Variants in PARP11 observed in about 807,000 individuals in gnomAD.
PARP11 encodes the protein poly(ADP-ribose) polymerase family member 11, also known as protein mono-ADP-ribosyltransferase PARP11.
A neutral mutation model predicts 42.9 loss-of-function variants in PARP11; 31 were observed. The ratio of observed to expected loss-of-function variants is 0.72; its 90% CI spans 0.54 to 0.98. The LOEUF (loss-of-function observed/expected upper bound fraction) is 0.98. Ranked by LOEUF, PARP11 falls within the 50% of genes least tolerant of loss-of-function variation. The probability of loss-of-function intolerance (pLI) is 0.00; values close to 1 mark genes in which losing one functional copy is unlikely to be tolerated. For missense variants in PARP11, 365 were observed against 413.1 expected, an observed-to-expected ratio of 0.88 and a Z score of 1.01; for synonymous variants, 137 against 127.3, an observed-to-expected ratio of 1.08 and a Z score of -0.51.
Position 3,862,418 on chromosome 12 carries a change from T to TA in PARP11, c.18+10793dup, listed in dbSNP as rs35597299. Among the ~76,000 whole-genome samples, 486 of 152,194 alleles carry TA rather than the reference T, an allele frequency of 3.2e-3. 2 individuals are homozygous for TA. The highest frequency in any genetic ancestry group is 0.011 in the African/African-American group (464 of 41,534). ...ATGAGCTATGATCACACCACTGCAC[T>TA]ACAGCCTAGGCAACCAAGCATGACT... On this transcript the variant is annotated intron_variant, in intron 1 of 7. Coordinates refer to ENST00000228820, the MANE Select transcript of PARP11 (RefSeq NM_020367.6).
intron 1 of PARP11, among the ~76,000 whole-genome samples, chr12:3,855,438 C>T (rs1948173828): frequency 6.6e-6 from 1 of 152,252 alleles, no homozygotes; most frequent in Non-Finnish European, 1.5e-5. Context: ...AGCAAAGTCT[C>T]AGGATACAAA....
At chr12:3,841,335 G>A in intron 1 of PARP11, 2 of 1,226,862 alleles carry the variant, frequency 1.6e-6, no homozygotes, top group Non-Finnish European at 2.4e-6. Context: ...ATTCTTACCT[G>A]TACCCTCTGC....
chr12:3,834,236 CAG>C (rs779904809), intron 1 of PARP11, among the ~76,000 whole-genome samples: 19 of 152,160 alleles, frequency 1.2e-4, no homozygotes, highest in Non-Finnish European at 2.5e-4. Flanking sequence ...AGACTTTGCT[CAG>C]GGGTAAAGAC....
intron 1 of PARP11, among the ~76,000 whole-genome samples, chr12:3,844,348 C>G (rs1304620201): frequency 6.6e-6 from 1 of 152,082 alleles, no homozygotes; most frequent in Non-Finnish European, 1.5e-5. Flanking sequence ...TTGAAGGTAC[C>G]GCTTAAGCCA....
chr12:3,872,521 C>T, intron 1 of PARP11: 1 of 985,208 alleles, frequency 1.0e-6, no homozygotes. Flanking sequence ...CCAGAGTCAG[C>T]CAAGGAAGAA....
chr12:3,831,179 C>T (rs1160893458), intron 1 of PARP11, among the ~76,000 whole-genome samples: 1 of 152,106 alleles, frequency 6.6e-6, no homozygotes, highest in Non-Finnish European at 1.5e-5. Flanking sequence ...ACTTCCATTC[C>T]TGGTACCTTC....
At position 3,829,890 on chromosome 12, in the gene PARP11, C is replaced by T. The variant is rs149437678; in HGVS notation, c.147G>A (p.Gln49=). ...LAECGKWHMF[Q]PDTNSQCSVS... ...TGCTAAATTAAAGGAAAGGAGGTAC[C>T]TGAAACATGTGCCACTTCCCACATT... is the stretch of plus-strand genomic sequence containing the variant. The change falls in exon 2 of 8, where the codon CAG becomes CAA. Residue 49 remains glutamine (Q), a splice_region_variant and synonymous_variant. Transcript: ENST00000228820. 6.8e-6 allele frequency: 11 copies of T among 1,613,752 alleles called. No individual in the cohort carries two copies. The highest frequency in any genetic ancestry group is 1.7e-5 in the Admixed American group (1 of 60,000).
chr12:3,812,272 C>T lies in PARP11; in HGVS notation c.868G>A (p.Gly290Arg). The T allele has an allele frequency of 1.9e-6, 3 of 1,614,172 alleles. No homozygotes were observed. Among genetic ancestry groups the T allele is most frequent in the East Asian group, 2.2e-5 (1 of 44,880 alleles). ...ARVLIGDYIN[G>R]DSKYMRPPSK... is the part of the protein sequence containing the mutation. ...GGAGGTCGCATGTATTTGGAGTCTC[C>T]GTTTATGTAATCTCCAATTAGCACT... The change falls in exon 8 of 8, where the codon GGA (glycine) becomes AGA (arginine). Residue 290 changes from glycine (G) to arginine (R), a missense_variant. Transcript: ENST00000228820.
chr12:3,821,770 A>C, intron 6 of PARP11, 103 bp downstream of exon 6: 1 of 1,234,532 alleles, frequency 8.1e-7, no homozygotes, highest in Non-Finnish European at 1.1e-6. Context: ...CAAGAGAAAA[A>C]CAGCATGTCT....
intron 1 of PARP11, among the ~76,000 whole-genome samples, chr12:3,864,306 C>A (rs895307217): frequency 6.6e-6 from 1 of 151,996 alleles, no homozygotes; most frequent in African/African-American, 2.4e-5. Flanking sequence ...TGTATTAATC[C>A]TTTTATATAT....
intron 4 of PARP11, among the ~76,000 whole-genome samples, chr12:3,825,143 G>T (rs1947492920): frequency 2.0e-5 from 3 of 149,046 alleles, no homozygotes; most frequent in Non-Finnish European, 3.0e-5. Context: ...TAAATTATTT[G>T]AACAAAAAAG....
At chr12:3,851,825 C>A (rs1335045306) in intron 1 of PARP11, among the ~76,000 whole-genome samples, 2 of 152,334 alleles carry the variant, frequency 1.3e-5, no homozygotes, top group African/African-American at 2.4e-5. Context: ...GTCCCTGACC[C>A]CCGTGTAGCT....
chr12:3,826,647 C>T (rs932069321), intron 3 of PARP11, among the ~76,000 whole-genome samples: 22 of 152,150 alleles, frequency 1.4e-4, no homozygotes, highest in Admixed American at 5.2e-4. Context: ...TTTCATCTCT[C>T]CAAAAATTTT....
At chr12:3,814,849 T>C (rs1168356214) in intron 6 of PARP11, 2 of 287,254 alleles carry the variant, frequency 7.0e-6, no homozygotes, top group East Asian at 8.0e-5. Flanking sequence ...CTATGTGCAT[T>C]AACATAGTAA....
intron 1 of PARP11, chr12:3,839,373 C>A (rs558015639): frequency 7.6e-5 from 118 of 1,547,634 alleles, no homozygotes; most frequent in Admixed American, 5.8e-4. Context: ...ACGCGACGCC[C>A]ATGGACGCCT....
intron 1 of PARP11, 135 bp downstream of exon 1, chr12:3,873,077 G>T (rs1015677184): frequency 1.2e-6 from 1 of 868,704 alleles, no homozygotes; most frequent in Admixed American, 2.0e-5. Context: ...GAAGCCAAAA[G>T]GCCCGGGAAC....
chr12:3,820,312 T>C (rs1947367559), intron 6 of PARP11, among the ~76,000 whole-genome samples: 1 of 152,092 alleles, frequency 6.6e-6, no homozygotes, highest in Non-Finnish European at 1.5e-5. Context: ...GAGTCATAGG[T>C]TATGTGACAG....
At chr12:3,822,617 A>T (rs935328365) in intron 4 of PARP11, among the ~76,000 whole-genome samples, 1 of 147,366 alleles carries the variant, frequency 6.8e-6, no homozygotes, top group Non-Finnish European at 1.5e-5. Flanking sequence ...AAAAAAAAAA[A>T]TTATTGACTG....
chr12:3,829,385 C>T (rs1334141438), intron 2 of PARP11, among the ~76,000 whole-genome samples: 1 of 152,126 alleles, frequency 6.6e-6, no homozygotes, highest in Non-Finnish European at 1.5e-5. Flanking sequence ...AAAAAAAAGA[C>T]TACAGGTTTT....
Sources: allele counts gnomAD v4.1 joint callset (sites outside exome capture counted in the v4.1 genomes callset), GRCh38; gene constraint gnomAD v4.1.1; transcripts MANE v1.5; gene names NCBI Gene and HGNC (gene_info 2026-07-23, HGNC 2026-07-21).